SLC9A7: variants seen among roughly 807,000 people sequenced by gnomAD.
The protein encoded by SLC9A7 is sodium/hydrogen exchanger 7.
A neutral mutation model predicts 52.6 loss-of-function variants in SLC9A7; 19 were observed. The ratio of observed to expected loss-of-function variants is 0.36; its 90% CI spans 0.25 to 0.53. The LOEUF (loss-of-function observed/expected upper bound fraction) is 0.53. SLC9A7 is among the 20% of genes least tolerant of loss of function. The pLI is 0.91. For missense variants in SLC9A7, 455 were observed against 597.9 expected, an observed-to-expected ratio of 0.76 and a Z score of 2.49; for synonymous variants, 226 against 252.1, an observed-to-expected ratio of 0.90 and a Z score of 0.98.
intron 1 of SLC9A7, among the ~76,000 whole-genome samples, chrX:46,726,561 C>T (rs984445997): frequency 4.5e-5 from 5 of 111,353 alleles, no homozygotes; most frequent in African/African-American, 1.3e-4. Flanking sequence ...ATCCCCAACA[C>T]GAGTCCAGTT....
In SLC9A7 at chrX:46,609,639, G is replaced by T. The variant is rs181053875; in HGVS notation, c.1930-2436C>A. On this transcript the variant is annotated intron_variant, in intron 16 of 16. Coordinates refer to ENST00000616978, the MANE Select transcript of SLC9A7 (RefSeq NM_001257291.2). ...TGCTTGAATTGGGGAGGCAGAGGTT[G>T]CAGCAAGCCAAGATTGCACCACTGC... Among the ~76,000 whole-genome samples the T allele has an allele frequency of 3.1e-3, 340 of 110,899 alleles. 3 individuals are homozygous for T. Among genetic ancestry groups the T allele is most frequent in the African/African-American group, 0.01 (310 of 30,448 alleles).
At position 46,625,713 on chromosome X, in the gene SLC9A7, C is replaced by CAA. The variant is rs756504189; in HGVS notation, c.1741-4656_1741-4655dup. ...CAATAGAGCAAGACTGTCTCTCTCTCAAAAAAAAAAAAAAAAAAAAAGGAC... is the reference window on the plus strand; with the variant it reads ...CAATAGAGCAAGACTGTCTCTCTCTCAAAAAAAAAAAAAAAAAAAAAAAGGAC... On this transcript the variant is annotated intron_variant, in intron 14 of 16. Coordinates refer to ENST00000616978, the MANE Select transcript of SLC9A7 (RefSeq NM_001257291.2). Among the ~76,000 whole-genome samples, 433 of 44,885 alleles carry CAA rather than the reference C, an allele frequency of 9.6e-3. 5 individuals carry two copies. Among genetic ancestry groups the CAA allele is most frequent in the African/African-American group, 0.037 (405 of 10,871 alleles). 39.0% of individuals were successfully genotyped at this position (44,885 alleles called of 115,157 possible).
intron 7 of SLC9A7, among the ~76,000 whole-genome samples, chrX:46,654,741 C>T (rs1943642533): frequency 1.8e-5 from 2 of 110,964 alleles, no homozygotes; most frequent in African/African-American, 6.6e-5. Flanking sequence ...CCTTTCGGGA[C>T]CAGAGATCCT....
chrX:46,756,664 T>C (rs782414320), intron 1 of SLC9A7, among the ~76,000 whole-genome samples: 22 of 112,235 alleles, frequency 2.0e-4, no homozygotes, highest in African/African-American at 6.5e-4. Context: ...TGGCATAACC[T>C]GAGACATCAC....
intron 14 of SLC9A7, among the ~76,000 whole-genome samples, chrX:46,622,240 C>T (rs1454239318): frequency 2.7e-5 from 3 of 111,114 alleles, no homozygotes; most frequent in African/African-American, 9.8e-5. Flanking sequence ...CAAGGAGAGA[C>T]CCCAGAGACC....
At chrX:46,691,489 C>T (rs759757022) in intron 1 of SLC9A7, among the ~76,000 whole-genome samples, 24 of 111,991 alleles carry the variant, frequency 2.1e-4, no homozygotes, top group Non-Finnish European at 4.3e-4. Flanking sequence ...CACCTAGCTA[C>T]AATCCAGCAC....
chrX:46,705,827 C>A (rs776578889), intron 1 of SLC9A7, among the ~76,000 whole-genome samples: 6 of 111,318 alleles, frequency 5.4e-5, no homozygotes, highest in Admixed American at 4.8e-4. Context: ...CAGAGTGAGA[C>A]CCTGTCTCAA....
intron 4 of SLC9A7, among the ~76,000 whole-genome samples, chrX:46,670,994 T>C (rs371060561): frequency 2.7e-5 from 3 of 111,772 alleles, no homozygotes; most frequent in Non-Finnish European, 5.6e-5. Flanking sequence ...ATGCCAGTTA[T>C]GTAAAGTGTC....
intron 1 of SLC9A7, chrX:46,685,509 C>T (rs953524290): frequency 8.9e-6 from 1 of 111,921 alleles, no homozygotes; most frequent in African/African-American, 3.3e-5. Flanking sequence ...GGCTGCCACT[C>T]CCTCTGCCTC....
Position 46,725,341 on chromosome X carries a change from C to T in SLC9A7, c.325+33364G>A, listed in dbSNP as rs752437354. ...TCCAACTTTGCTTCTAGGTCATCTT[C>T]ATCCAGTTCTGGTGTGCCATAACTG... On this transcript the variant is annotated intron_variant, in intron 1 of 16. Transcript: ENST00000616978. The T allele has an allele frequency of 3.2e-5, 38 of 1,177,040 alleles. No homozygotes were observed. In the East Asian group the frequency reaches 1.0e-3, roughly 32 times the overall value.
intron 7 of SLC9A7, among the ~76,000 whole-genome samples, chrX:46,657,239 G>A (rs1481613563): frequency 2.7e-5 from 3 of 110,219 alleles, no homozygotes; most frequent in East Asian, 2.8e-4. Context: ...ACATAGAAAG[G>A]AACAACCGGT....
chrX:46,692,545 C>T (rs1944394996), intron 1 of SLC9A7, among the ~76,000 whole-genome samples: 1 of 111,403 alleles, frequency 9.0e-6, no homozygotes, highest in African/African-American at 3.3e-5. Context: ...TTATCCATCA[C>T]ATTTATAAAA....
intron 1 of SLC9A7, among the ~76,000 whole-genome samples, chrX:46,708,177 G>A (rs753192057): frequency 1.2e-4 from 13 of 111,751 alleles, no homozygotes; most frequent in Admixed American, 3.8e-4. Flanking sequence ...ATTAAGCCAC[G>A]AAAAATGATA....
chrX:46,625,071 A>C (rs781437837), intron 14 of SLC9A7, among the ~76,000 whole-genome samples: 3 of 111,993 alleles, frequency 2.7e-5, no homozygotes, highest in Non-Finnish European at 5.6e-5. Flanking sequence ...ATAATGAAGA[A>C]AAAGAAAGCT....
At chrX:46,695,406 T>C (rs895452764) in intron 1 of SLC9A7, among the ~76,000 whole-genome samples, 1 of 112,399 alleles carries the variant, frequency 8.9e-6, no homozygotes, top group Non-Finnish European at 1.9e-5. Flanking sequence ...AGATCAAATA[T>C]GTAACACAAA....
At chrX:46,699,802 T>G (rs1006210040) in intron 1 of SLC9A7, among the ~76,000 whole-genome samples, 8 of 111,518 alleles carry the variant, frequency 7.2e-5, no homozygotes, top group African/African-American at 2.6e-4. Flanking sequence ...TAAACACATT[T>G]TCTTTAAAAT....
rs751919265 is a variant in SLC9A7 at position 46,606,925 on chromosome X, C to T, written c.*27G>A. The T allele has an allele frequency of 3.3e-6, 4 of 1,208,356 alleles. No individual in the cohort carries two copies. The Admixed American group carries it at 8.8e-5, about 26-fold the overall frequency. On this transcript the variant is annotated 3_prime_UTR_variant, in exon 17 of 17. Transcript: ENST00000616978. Reference sequence around the variant, plus strand: ...GTCCTCACCCCATCGGGAGCCTACCCCATCGCGCCAGGGCTTGGGGGGAAA... The same window carrying T: ...GTCCTCACCCCATCGGGAGCCTACCTCATCGCGCCAGGGCTTGGGGGGAAA...
At chrX:46,753,815 C>G (rs546984450) in intron 1 of SLC9A7, among the ~76,000 whole-genome samples, 3 of 109,576 alleles carry the variant, frequency 2.7e-5, no homozygotes, top group African/African-American at 1.0e-4. Context: ...AACCCCGTCT[C>G]TACTAAAAAT....
intron 1 of SLC9A7, among the ~76,000 whole-genome samples, chrX:46,731,979 T>A (rs1945049262): frequency 1.8e-5 from 2 of 111,623 alleles, no homozygotes; most frequent in South Asian, 7.4e-4. Context: ...CCCAGCACTT[T>A]GGGAGGCTGA....
Sources: allele counts gnomAD v4.1 joint callset (sites outside exome capture counted in the v4.1 genomes callset), GRCh38; gene constraint gnomAD v4.1.1; transcripts MANE v1.5; gene names NCBI Gene and HGNC (gene_info 2026-07-23, HGNC 2026-07-21).